ADAMTSL1: variants seen among roughly 807,000 people sequenced by gnomAD.
ADAMTSL1 encodes the protein ADAMTS like 1.
In ADAMTSL1, 126 loss-of-function variants were observed where a neutral mutation model predicts 201.8. That is an observed-to-expected ratio of 0.62 (90% confidence interval 0.54 to 0.72). The LOEUF (loss-of-function observed/expected upper bound fraction) is 0.72, where lower values mean the gene tolerates loss of function less well. ADAMTSL1 is among the 30% of genes least tolerant of loss of function. The pLI is 0.00. For missense variants in ADAMTSL1, 2,679 were observed against 2,277.8 expected (o/e 1.18, Z -3.59); for synonymous variants, 1,121 against 903.4 (o/e 1.24, Z -4.32).
chr9:17,931,884 G>A (rs1488852907), intron 1 of ADAMTSL1, among the ~76,000 whole-genome samples: 1 of 152,102 alleles, frequency 6.6e-6, no homozygotes, highest in Non-Finnish European at 1.5e-5. Flanking sequence ...AATCCTTACA[G>A]CAGTGCTGAT....
In ADAMTSL1 at chr9:18,620,295, T is replaced by C. The variant is rs1451113837; in HGVS notation, c.475-1948T>C. Among the ~76,000 whole-genome samples, 4 of 152,100 alleles carry C rather than the reference T, an allele frequency of 2.6e-5. No homozygotes were observed. The East Asian group carries it at 5.8e-4, about 22-fold the overall frequency. ...TTTCATGATTATCATTTTACACTTATTGCGTGTGATGATTTGGGCACTATC... is the reference window on the plus strand; with the variant it reads ...TTTCATGATTATCATTTTACACTTACTGCGTGTGATGATTTGGGCACTATC... On this transcript the variant is annotated intron_variant, in intron 4 of 28. Transcript: ENST00000380548.
At chr9:17,955,335 T>G (rs192698837) in intron 1 of ADAMTSL1, among the ~76,000 whole-genome samples, 3 of 152,252 alleles carry the variant, frequency 2.0e-5, no homozygotes, top group African/African-American at 7.2e-5. Context: ...AAAGGAGGGC[T>G]TTTGTTCTGA....
At chr9:18,162,771 G>T (rs1021937984) in intron 1 of ADAMTSL1, among the ~76,000 whole-genome samples, 6 of 152,020 alleles carry the variant, frequency 3.9e-5, no homozygotes, top group African/African-American at 1.2e-4. Context: ...ATGTATGAGA[G>T]TTAAAAAGAC....
At chr9:18,279,373 C>T (rs969424448) in intron 2 of ADAMTSL1, among the ~76,000 whole-genome samples, 6 of 151,938 alleles carry the variant, frequency 3.9e-5, no homozygotes, top group Non-Finnish European at 7.4e-5. Context: ...CAAGGATCAG[C>T]TGTATTTTGA....
At chr9:18,763,617 A>G (rs1820194855) in intron 16 of ADAMTSL1, among the ~76,000 whole-genome samples, 3 of 152,072 alleles carry the variant, frequency 2.0e-5, no homozygotes, top group African/African-American at 4.8e-5. Flanking sequence ...TCTTTGTTTG[A>G]GGTCTTAGAT....
chr9:18,826,816 C>T (rs1171363923), intron 22 of ADAMTSL1, among the ~76,000 whole-genome samples: 1 of 152,218 alleles, frequency 6.6e-6, no homozygotes, highest in African/African-American at 2.4e-5. Context: ...CTTAACTCTT[C>T]CTGCATTAAG....
At chr9:17,962,278 A>G (rs1226951062) in intron 1 of ADAMTSL1, among the ~76,000 whole-genome samples, 9 of 152,212 alleles carry the variant, frequency 5.9e-5, no homozygotes, top group Admixed American at 5.9e-4. Context: ...GCCCTGCCCC[A>G]GAAATGTACC....
At chr9:18,228,318 A>G (rs569467255) in intron 2 of ADAMTSL1, among the ~76,000 whole-genome samples, 18 of 152,312 alleles carry the variant, frequency 1.2e-4, no homozygotes, top group African/African-American at 2.6e-4. Context: ...ACTCTAGCAC[A>G]TTGAGGAGGA....
chr9:18,302,349 A>G (rs1483385059), intron 2 of ADAMTSL1, among the ~76,000 whole-genome samples: 2 of 152,188 alleles, frequency 1.3e-5, no homozygotes, highest in Non-Finnish European at 2.9e-5. Context: ...GTCTAGAGGT[A>G]TCACCACACT....
chr9:18,557,616 GC>G (rs1564045128), intron 3 of ADAMTSL1, among the ~76,000 whole-genome samples: 1 of 151,974 alleles, frequency 6.6e-6, no homozygotes, highest in Non-Finnish European at 1.5e-5. Context: ...AAGAAGTTAA[GC>G]CTGCAGACAA....
At chr9:18,424,345 C>G (rs1819102207) in intron 2 of ADAMTSL1, among the ~76,000 whole-genome samples, 1 of 152,150 alleles carries the variant, frequency 6.6e-6, no homozygotes, top group African/African-American at 2.4e-5. Context: ...ATACTTTAGA[C>G]CAAATACTGT....
Position 18,889,611 on chromosome 9 carries a change from C to A in ADAMTSL1, c.4506C>A (p.Ser1502=). ...ACAGACTGGCAACCTGCTCAGCCTC[C>A]TGTGGTAACCGGGGGGTTCAGCAGC... The part of the protein sequence containing the change: ...SVDRLATCSA[S]CGNRGVQQPR... The change falls in exon 25 of 29, where the codon TCC becomes TCA. Residue 1502 remains serine (S), a synonymous_variant. Transcript: ENST00000380548. 1 of 1,613,886 alleles carries A rather than the reference C, an allele frequency of 6.2e-7. No individual in the cohort carries two copies. The highest frequency in any genetic ancestry group is 8.5e-7 in the Non-Finnish European group (1 of 1,179,836).
intron 1 of ADAMTSL1, among the ~76,000 whole-genome samples, chr9:17,960,986 A>T (rs753848127): frequency 6.6e-6 from 1 of 152,150 alleles, no homozygotes; most frequent in Admixed American, 6.6e-5. Context: ...GAAATATACC[A>T]GTTCAGTCAG....
chr9:17,942,642 C>T (rs1021338551), intron 1 of ADAMTSL1, among the ~76,000 whole-genome samples: 3 of 152,162 alleles, frequency 2.0e-5, no homozygotes, highest in African/African-American at 7.2e-5. Context: ...TGCCAACTGT[C>T]ACCCCTTACA....
chr9:18,619,377 C>A (rs1825886650), intron 4 of ADAMTSL1, among the ~76,000 whole-genome samples: 1 of 151,394 alleles, frequency 6.6e-6, no homozygotes, highest in East Asian at 1.9e-4. Flanking sequence ...AAGATTTTGG[C>A]ATCTTGAAGA....
chr9:18,252,924 T>C (rs967061820), intron 2 of ADAMTSL1, among the ~76,000 whole-genome samples: 11 of 152,208 alleles, frequency 7.2e-5, no homozygotes, highest in African/African-American at 2.4e-4. Flanking sequence ...GATAAACATA[T>C]GTTACACTAT....
chr9:18,834,068 C>T (rs1399756402), intron 23 of ADAMTSL1, among the ~76,000 whole-genome samples: 1 of 152,084 alleles, frequency 6.6e-6, no homozygotes, highest in Non-Finnish European at 1.5e-5. Context: ...TGTACCAGCA[C>T]CATGTTTTTT....
At chr9:18,045,670 C>G (rs536138512) in intron 1 of ADAMTSL1, among the ~76,000 whole-genome samples, 5 of 152,018 alleles carry the variant, frequency 3.3e-5, no homozygotes, top group African/African-American at 7.2e-5. Flanking sequence ...GAATTTAACT[C>G]TATTTTACCC....
intron 2 of ADAMTSL1, among the ~76,000 whole-genome samples, chr9:18,291,718 C>T (rs868648970): frequency 1.1e-5 from 1 of 92,518 alleles, no homozygotes; most frequent in Admixed American, 1.3e-4. Flanking sequence ...CTCTCTCTTT[C>T]TCTCTCTCTC....
Sources: allele counts gnomAD v4.1 joint callset (sites outside exome capture counted in the v4.1 genomes callset), GRCh38; gene constraint gnomAD v4.1.1; transcripts MANE v1.5; gene names NCBI Gene and HGNC (gene_info 2026-07-23, HGNC 2026-07-21).